Variants in PLSCR2 observed in about 807,000 individuals in gnomAD.
The protein encoded by PLSCR2 is PL scramblase 2.
A neutral mutation model predicts 25.3 loss-of-function variants in PLSCR2; 18 were observed. The observed-to-expected ratio is 0.71, with a 90% confidence interval of 0.49 to 1.06. PLSCR2 has a LOEUF of 1.06. Among genes scored for constraint, PLSCR2 ranks in the 50% least tolerant of loss-of-function variants. The pLI is 0.00. For synonymous variants in PLSCR2, 88 were observed against 87.3 expected, an observed-to-expected ratio of 1.01 and a Z score of -0.04; for missense variants, 243 against 269.5, an observed-to-expected ratio of 0.90 and a Z score of 0.69.
upstream of PLSCR2, chr3:146,461,927 A>G: frequency 6.7e-7 from 1 of 1,503,748 alleles, no homozygotes; most frequent in Non-Finnish European, 8.9e-7. Flanking sequence ...ACAAGGGAAA[A>G]CACAGCTACA....
chr3:146,461,823 T>C (rs771002215), upstream of PLSCR2: 12 of 875,704 alleles, frequency 1.4e-5, no homozygotes, highest in Non-Finnish European at 1.8e-5. Flanking sequence ...CCAGGTGTCA[T>C]TGATAATTAC....
intron 4 of PLSCR2, among the ~76,000 whole-genome samples, chr3:146,455,036 T>A (rs2041119499): frequency 6.6e-6 from 1 of 152,190 alleles, no homozygotes; most frequent in Admixed American, 6.5e-5. Context: ...CTCAACCCCA[T>A]GAGGCAGACT....
intron 1 of PLSCR2, among the ~76,000 whole-genome samples, chr3:146,482,898 A>G (rs1333153401): frequency 2.0e-5 from 3 of 152,218 alleles, no homozygotes; most frequent in African/African-American, 7.2e-5. Flanking sequence ...TGCAGCCATA[A>G]AAAATGATGA....
intron 1 of PLSCR2, among the ~76,000 whole-genome samples, chr3:146,486,001 C>G (rs1173730684): frequency 6.6e-6 from 1 of 152,030 alleles, no homozygotes; most frequent in East Asian, 1.9e-4. Context: ...TATGGTCTCT[C>G]CCACAACATG....
chr3:146,439,207 A>T (rs997583662), downstream of PLSCR2, among the ~76,000 whole-genome samples: 2 of 151,902 alleles, frequency 1.3e-5, no homozygotes, highest in African/African-American at 4.8e-5. Flanking sequence ...TGCCCTTAAC[A>T]TTTTTTCCTT....
At chr3:146,482,017 T>C (rs993023576) in intron 1 of PLSCR2, among the ~76,000 whole-genome samples, 6 of 152,144 alleles carry the variant, frequency 3.9e-5, no homozygotes, top group Non-Finnish European at 8.8e-5. Flanking sequence ...GAAAACTGGC[T>C]AGCCATATGT....
chr3:146,431,915 T>C (rs1458705057), downstream of PLSCR2, among the ~76,000 whole-genome samples: 6 of 152,116 alleles, frequency 3.9e-5, no homozygotes, highest in Non-Finnish European at 8.8e-5. Context: ...CATCAAGATC[T>C]ATGTGATGCT....
At chr3:146,423,700 C>G (rs572197219) in intron 2 of PLSCR2, among the ~76,000 whole-genome samples, 1 of 152,066 alleles carries the variant, frequency 6.6e-6, no homozygotes, top group Admixed American at 6.6e-5. Context: ...AACGTAATTC[C>G]AAGCTTCCTT....
At chr3:146,490,413 G>A (rs1277023914) in intron 1 of PLSCR2, among the ~76,000 whole-genome samples, 1 of 152,016 alleles carries the variant, frequency 6.6e-6, no homozygotes, top group African/African-American at 2.4e-5. Flanking sequence ...AATGAAGCAT[G>A]CCTCGTAGAT....
At chr3:146,396,738 A>G (rs10935626) in intron 2 of PLSCR2, among the ~76,000 whole-genome samples, 79,879 of 151,898 alleles carry the variant, frequency 0.53, 21,268 homozygotes, top group South Asian at 0.71. Context: ...AGTGAGACCA[A>G]AGAGGTTAGC....
chr3:146,478,413 T>C (rs1435090410), intron 1 of PLSCR2, among the ~76,000 whole-genome samples: 1 of 151,948 alleles, frequency 6.6e-6, no homozygotes, highest in Non-Finnish European at 1.5e-5. Flanking sequence ...CTGATGGAGG[T>C]AAAAACCATG....
At chr3:146,449,911 G>A (rs1407823072) in intron 5 of PLSCR2, among the ~76,000 whole-genome samples, 1 of 152,144 alleles carries the variant, frequency 6.6e-6, no homozygotes, top group African/African-American at 2.4e-5. Flanking sequence ...AAAGCAACCA[G>A]TAAGTAACTT....
downstream of PLSCR2, among the ~76,000 whole-genome samples, chr3:146,438,873 T>A (rs2040054068): frequency 4.6e-5 from 7 of 152,214 alleles, 1 homozygote; most frequent in Admixed American, 4.6e-4. Context: ...CTAGTATCAA[T>A]GGTCTTTATA....
chr3:146,431,159 G>A (rs1444576646), downstream of PLSCR2, among the ~76,000 whole-genome samples: 3 of 152,126 alleles, frequency 2.0e-5, no homozygotes, highest in Non-Finnish European at 4.4e-5. Context: ...GAAGGGCTGT[G>A]TAAAGGAGAC....
Position 146,477,154 on chromosome 3 carries a change from C to G in PLSCR2, c.-292-16870G>C, listed in dbSNP as rs115385607. ...AAATAGGAACAGCTCTGGTCTGCAGCTCTCAGCGTGATCGATGCAGAAGAT... is the reference window on the plus strand; with the variant it reads ...AAATAGGAACAGCTCTGGTCTGCAGGTCTCAGCGTGATCGATGCAGAAGAT... On this transcript the variant is annotated intron_variant, in intron 1 of 8. Transcript: ENST00000336685. Among the ~76,000 whole-genome samples, 973 of 152,348 alleles carry G rather than the reference C, an allele frequency of 6.4e-3. 18 individuals are homozygous for G. The highest frequency in any genetic ancestry group is 0.022 in the African/African-American group (934 of 41,584).
chr3:146,433,752 C>T (rs2108138557), intron 8 of PLSCR2, among the ~76,000 whole-genome samples: 1 of 152,214 alleles, frequency 6.6e-6, no homozygotes, highest in South Asian at 2.1e-4. Context: ...TCCTTGGAAT[C>T]TGGCATCTGA....
chr3:146,479,216 C>T (rs1162883592), intron 1 of PLSCR2, among the ~76,000 whole-genome samples: 2 of 152,030 alleles, frequency 1.3e-5, no homozygotes, highest in Admixed American at 6.6e-5. Context: ...AACATTATCA[C>T]GACAGGATCA....
intron 6 of PLSCR2, among the ~76,000 whole-genome samples, chr3:146,445,549 T>A (rs2040500743): frequency 6.6e-6 from 1 of 152,200 alleles, no homozygotes; most frequent in South Asian, 2.1e-4. Flanking sequence ...TTATTTTTTT[T>A]TCTCTTGCTG....
intron 2 of PLSCR2, among the ~76,000 whole-genome samples, chr3:146,408,633 G>A (rs1427369337): frequency 6.6e-6 from 1 of 151,912 alleles, no homozygotes; most frequent in Admixed American, 6.6e-5. Flanking sequence ...AATATCTGGG[G>A]CTTCCTGAGC....
Sources: gnomAD v4.1 joint callset for allele counts (sites outside exome capture counted in the v4.1 genomes callset) on GRCh38, gnomAD v4.1.1 for gene constraint, MANE v1.5 for transcripts, NCBI Gene and HGNC (gene_info 2026-07-23, HGNC 2026-07-21) for gene names.